The following ZFHX3 variants were observed in gnomAD, a reference collection of about 807,000 sequenced individuals.
The protein encoded by ZFHX3 is zinc finger homeobox protein 3.
A neutral mutation model predicts 279.1 loss-of-function variants in ZFHX3; 42 were observed. That is an observed-to-expected ratio of 0.15 (90% CI 0.12 to 0.19). The LOEUF (loss-of-function observed/expected upper bound fraction) is 0.19. Ranked by LOEUF, ZFHX3 falls within the 10% of genes least tolerant of loss-of-function variation. The probability of loss-of-function intolerance (pLI) is 1.00; values close to 1 mark genes in which losing one functional copy is unlikely to be tolerated. For missense variants in ZFHX3, 4,981 were observed against 4,754.0 expected, an observed-to-expected ratio of 1.05 and a Z score of -1.40; for synonymous variants, 2,293 against 1,957.8, an observed-to-expected ratio of 1.17 and a Z score of -4.52.
intron 1 of ZFHX3, among the ~76,000 whole-genome samples, chr16:72,974,151 G>A (rs747045564): frequency 6.6e-6 from 1 of 152,230 alleles, no homozygotes; most frequent in South Asian, 2.1e-4. Context: ...AATGCAGGCA[G>A]AAGCAGCCAG....
intron 1 of ZFHX3, among the ~76,000 whole-genome samples, chr16:73,009,570 A>G (rs988923533): frequency 2.6e-5 from 4 of 152,230 alleles, no homozygotes; most frequent in East Asian, 1.9e-4. Context: ...CTTAAAATCT[A>G]TAACGTTTTA....
chr16:72,960,792 G>A (rs1961541473), intron 1 of ZFHX3, among the ~76,000 whole-genome samples: 1 of 152,122 alleles, frequency 6.6e-6, no homozygotes, highest in East Asian at 1.9e-4. Context: ...AAGAAGGCGG[G>A]TGAGGACCCT....
At chr16:73,793,420 C>T (rs1032755664) in intron 1 of ZFHX3, among the ~76,000 whole-genome samples, 4 of 152,228 alleles carry the variant, frequency 2.6e-5, no homozygotes, top group African/African-American at 9.6e-5. Flanking sequence ...CCTTGGCAAA[C>T]ATCATCATTT....
chr16:72,927,693 G>T (rs1011413959), intron 3 of ZFHX3, among the ~76,000 whole-genome samples: 10 of 151,982 alleles, frequency 6.6e-5, no homozygotes, highest in African/African-American at 2.4e-4. Flanking sequence ...CCGCCCGGGG[G>T]AGCTGCAGCA....
chr16:73,285,683 G>A (rs919217215), intron 4 of ZFHX3, among the ~76,000 whole-genome samples: 14 of 152,160 alleles, frequency 9.2e-5, no homozygotes, highest in African/African-American at 3.1e-4. Flanking sequence ...CAAGATGGGC[G>A]GAGCTTTCAC....
chr16:73,361,927 A>G (rs1462135516), intron 3 of ZFHX3, among the ~76,000 whole-genome samples: 1 of 152,184 alleles, frequency 6.6e-6, no homozygotes, highest in Non-Finnish European at 1.5e-5. Context: ...AAAAAAATCA[A>G]CTTGCCCCAA....
At chr16:72,891,985 G>T (rs1362855202) in intron 3 of ZFHX3, among the ~76,000 whole-genome samples, 1 of 152,204 alleles carries the variant, frequency 6.6e-6, no homozygotes, top group African/African-American at 2.4e-5. Flanking sequence ...ACACTGACAA[G>T]CTAGAATGGT....
chr16:73,020,895 T>C (rs8058775), intron 1 of ZFHX3, among the ~76,000 whole-genome samples: 3,021 of 152,164 alleles, frequency 0.02, 47 homozygotes, highest in African/African-American at 0.042. Context: ...GGGGTTCAAA[T>C]GCAGATCTGA....
chr16:73,035,715 G>A (rs762053859), intron 1 of ZFHX3, among the ~76,000 whole-genome samples: 5 of 152,266 alleles, frequency 3.3e-5, no homozygotes, highest in East Asian at 3.9e-4. Context: ...GCAAAACCCC[G>A]TCTCTACTAA....
intron 8 of ZFHX3, chr16:73,081,315 CA>C (rs1296054455): frequency 6.6e-6 from 1 of 151,086 alleles, no homozygotes; most frequent in Non-Finnish European, 1.5e-5. Flanking sequence ...TGCAATGGCA[CA>C]ATCTCTGCTC....
intron 1 of ZFHX3, among the ~76,000 whole-genome samples, chr16:72,980,850 A>G (rs1962565981): frequency 6.6e-6 from 1 of 152,240 alleles, no homozygotes; most frequent in Non-Finnish European, 1.5e-5. Context: ...TCAGCAACGG[A>G]CAAAAAAGAC....
At chr16:73,868,039 C>A (rs929671013) in intron 1 of ZFHX3, among the ~76,000 whole-genome samples, 2 of 152,230 alleles carry the variant, frequency 1.3e-5, no homozygotes, top group African/African-American at 4.8e-5. Context: ...CCTTCTCCTG[C>A]CCCTCCCTAA....
intron 3 of ZFHX3, among the ~76,000 whole-genome samples, chr16:73,426,502 A>T (rs1176935264): frequency 6.6e-6 from 1 of 151,844 alleles, no homozygotes; most frequent in Admixed American, 6.6e-5. Flanking sequence ...AACCATTCTC[A>T]TAATGACAGA....
intron 3 of ZFHX3, among the ~76,000 whole-genome samples, chr16:72,911,697 GGTGACACTAGCCACATTTCAA>G (rs2039321393): frequency 6.6e-6 from 1 of 152,118 alleles, no homozygotes; most frequent in South Asian, 2.1e-4. Context: ...TCAATCCCTC[GGTGACACTAGCCACATTTCAA>G]GTGCTCGATG....
chr16:73,810,178 T>C (rs1191912294), intron 1 of ZFHX3, among the ~76,000 whole-genome samples: 2 of 152,180 alleles, frequency 1.3e-5, no homozygotes, highest in African/African-American at 4.8e-5. Flanking sequence ...ACTGACCCTG[T>C]TAACCCTGAA....
intron 5 of ZFHX3, among the ~76,000 whole-genome samples, chr16:73,204,823 C>T (rs548817931): frequency 4.3e-4 from 66 of 152,286 alleles, no homozygotes; most frequent in Admixed American, 7.2e-4. Flanking sequence ...AGGGTAGTCA[C>T]GGCTTTCCTC....
chr16:73,161,305 C>T (rs1283850534), intron 5 of ZFHX3, among the ~76,000 whole-genome samples: 4 of 152,074 alleles, frequency 2.6e-5, no homozygotes, highest in Non-Finnish European at 5.9e-5. Context: ...CCTGAATGAC[C>T]CCTCTCCTTC....
intron 1 of ZFHX3, among the ~76,000 whole-genome samples, chr16:73,702,645 C>A (rs181388620): frequency 1.3e-5 from 2 of 152,072 alleles, no homozygotes; most frequent in Non-Finnish European, 2.9e-5. Context: ...GTGGAGGATT[C>A]CTCGTTATAT....
chr16:73,192,439 G>T lies in ZFHX3; in HGVS notation c.-1103-48608C>A, dbSNP rs1374124173. On this transcript the variant is annotated intron_variant, in intron 5 of 17. Transcript: ENST00000641206. ...GGGACACAACAGAGGAGAGTGATCC[G>T]GTGCCAGCGGCCCTGGTGTTAATTT... is the stretch of plus-strand genomic sequence containing the variant. 2.6e-5 allele frequency among the ~76,000 whole-genome samples: 4 copies of T among 152,262 alleles called. No homozygotes were observed. In the East Asian group the frequency reaches 7.7e-4, roughly 29 times the overall value.
Sources: gnomAD v4.1 joint callset for allele counts (sites outside exome capture counted in the v4.1 genomes callset) on GRCh38, gnomAD v4.1.1 for gene constraint, MANE v1.5 for transcripts, NCBI Gene and HGNC (gene_info 2026-07-23, HGNC 2026-07-21) for gene names.